The following CACNA2D1 variants were observed in gnomAD, a reference collection of about 807,000 sequenced individuals.
CACNA2D1 encodes calcium voltage-gated channel auxiliary subunit alpha2delta 1.
A neutral mutation model predicts 171.5 loss-of-function variants in CACNA2D1; 53 were observed. That is an observed-to-expected ratio of 0.31 (90% CI 0.25 to 0.39). CACNA2D1 has a LOEUF of 0.39. CACNA2D1 is among the 10% of genes least tolerant of loss of function. The probability of loss-of-function intolerance (pLI) is 1.00; values close to 1 mark genes in which losing one functional copy is unlikely to be tolerated. For missense variants in CACNA2D1, 903 were observed against 1,299.8 expected (o/e 0.69, Z 4.69); for synonymous variants, 442 against 443.1 (o/e 1.00, Z 0.03).
chr7:82,324,953 G>A (rs1157994348), intron 3 of CACNA2D1, among the ~76,000 whole-genome samples: 2 of 152,158 alleles, frequency 1.3e-5, no homozygotes, highest in Non-Finnish European at 2.9e-5. Flanking sequence ...AGGGCTACAA[G>A]CATCACTTCC....
intron 4 of CACNA2D1, among the ~76,000 whole-genome samples, chr7:82,145,666 A>C (rs1326467002): frequency 7.0e-6 from 1 of 143,622 alleles, no homozygotes; most frequent in African/African-American, 2.6e-5. Context: ...ATATATATGC[A>C]CATACATACA....
At chr7:82,264,293 T>TA (rs1413712049) in intron 3 of CACNA2D1, among the ~76,000 whole-genome samples, 1 of 152,212 alleles carries the variant, frequency 6.6e-6, no homozygotes, top group Non-Finnish European at 1.5e-5. Context: ...TCCTATTCAA[T>TA]ATTAATGAAT....
chr7:82,279,201 T>C (rs1809753804), intron 3 of CACNA2D1, among the ~76,000 whole-genome samples: 1 of 152,194 alleles, frequency 6.6e-6, no homozygotes, highest in African/African-American at 2.4e-5. Flanking sequence ...AGAGGGGCAA[T>C]AAACTGAAAT....
chr7:82,366,081 C>A (rs1442007446), intron 1 of CACNA2D1, among the ~76,000 whole-genome samples: 1 of 152,188 alleles, frequency 6.6e-6, no homozygotes, highest in African/African-American at 2.4e-5. Flanking sequence ...CCTCCTAGAC[C>A]ACTCGTTGCT....
At chr7:82,259,129 A>C (rs753309297) in intron 3 of CACNA2D1, among the ~76,000 whole-genome samples, 5 of 152,160 alleles carry the variant, frequency 3.3e-5, no homozygotes, top group Non-Finnish European at 2.9e-5. Context: ...ACGTGGACAG[A>C]AAGTTGTAAT....
chr7:82,026,466 G>C (rs1801930164), intron 12 of CACNA2D1, among the ~76,000 whole-genome samples: 1 of 151,486 alleles, frequency 6.6e-6, no homozygotes, highest in Non-Finnish European at 1.5e-5. Flanking sequence ...AGAGTACTGA[G>C]CATTTATATT....
intron 1 of CACNA2D1, among the ~76,000 whole-genome samples, chr7:82,404,512 G>C (rs564455962): frequency 1.3e-5 from 2 of 152,304 alleles, no homozygotes; most frequent in East Asian, 3.9e-4. Context: ...GTTTTCTTCT[G>C]AGATGGTTAA....
At chr7:82,191,745 A>T (rs2367912) in intron 3 of CACNA2D1, among the ~76,000 whole-genome samples, 2 of 151,576 alleles carry the variant, frequency 1.3e-5, no homozygotes, top group African/African-American at 4.8e-5. Context: ...ATCAACTGCA[A>T]GTATAAACAG....
intron 3 of CACNA2D1, among the ~76,000 whole-genome samples, chr7:82,184,485 C>A (rs142180336): frequency 1.4e-3 from 214 of 151,742 alleles, no homozygotes; most frequent in African/African-American, 5.0e-3. Flanking sequence ...TTGAGTAATA[C>A]TATTATTATT....
chr7:82,007,080 T>A (rs1002661788), intron 16 of CACNA2D1, among the ~76,000 whole-genome samples: 1 of 152,032 alleles, frequency 6.6e-6, no homozygotes, highest in Non-Finnish European at 1.5e-5. Flanking sequence ...AAGTACAAGA[T>A]AAATAATTTT....
intron 6 of CACNA2D1, among the ~76,000 whole-genome samples, chr7:82,107,250 G>A (rs1212819697): frequency 2.0e-5 from 3 of 152,128 alleles, no homozygotes; most frequent in Non-Finnish European, 2.9e-5. Flanking sequence ...GGCCATGGAA[G>A]GAATGGACAG....
intron 1 of CACNA2D1, among the ~76,000 whole-genome samples, chr7:82,439,956 C>T (rs1830370489): frequency 1.3e-5 from 2 of 151,698 alleles, no homozygotes; most frequent in Non-Finnish European, 3.0e-5. Flanking sequence ...AATTATGTCA[C>T]TTATAATGCA....
At position 82,423,204 on chromosome 7, in the gene CACNA2D1, G is replaced by GAT. The variant is rs982152736; in HGVS notation, c.95+20159_95+20160dup. ...CCATAGGCCAAATATATTTTAAACA[G>GAT]ATATATATATATACATATATATACA... On this transcript the variant is annotated intron_variant, in intron 1 of 38. Coordinates refer to ENST00000356860, the MANE Select transcript of CACNA2D1 (RefSeq NM_000722.4). 6.8e-4 allele frequency among the ~76,000 whole-genome samples: 103 copies of GAT among 151,426 alleles called. No individual in the cohort carries two copies. The Middle Eastern group carries it at 0.014, about 20-fold the overall frequency.
At chr7:82,002,032 A>AAAG (rs1265343066) in intron 18 of CACNA2D1, among the ~76,000 whole-genome samples, 3 of 150,182 alleles carry the variant, frequency 2.0e-5, no homozygotes, top group Non-Finnish European at 3.0e-5. Context: ...AAAAAAAAAA[A>AAAG]AAAAAAAAAA....
rs566105890 is a variant in CACNA2D1, at chr7:82,274,698, G to A, written c.294+60437C>T. 1.7e-3 allele frequency among the ~76,000 whole-genome samples: 265 copies of A among 152,100 alleles called. 3 individuals are homozygous for A. The highest frequency in any genetic ancestry group is 6.3e-3 in the African/African-American group (261 of 41,498). On this transcript the variant is annotated intron_variant, in intron 3 of 38. Transcript: ENST00000356860. ...ATATCTATATTGAATAATGTACAGG[G>A]GCTCATATGAATACAATACACTTCC...
At chr7:82,362,639 C>T (rs745542943) in intron 1 of CACNA2D1, among the ~76,000 whole-genome samples, 12 of 152,182 alleles carry the variant, frequency 7.9e-5, no homozygotes, top group Non-Finnish European at 1.8e-4. Context: ...TTTCCCAAAG[C>T]TCTGGTTTAT....
At chr7:82,421,253 G>A (rs1275640626) in intron 1 of CACNA2D1, among the ~76,000 whole-genome samples, 1 of 152,138 alleles carries the variant, frequency 6.6e-6, no homozygotes, top group African/African-American at 2.4e-5. Flanking sequence ...CCAAGACATT[G>A]GTAAGCAAAC....
At chr7:82,211,367 C>T (rs2129225584) in intron 3 of CACNA2D1, among the ~76,000 whole-genome samples, 1 of 152,212 alleles carries the variant, frequency 6.6e-6, no homozygotes, top group South Asian at 2.1e-4. Context: ...CCCCACCCTC[C>T]ACCCTTAAGT....
chr7:82,339,090 T>C (rs568253071), intron 2 of CACNA2D1, among the ~76,000 whole-genome samples: 1 of 152,236 alleles, frequency 6.6e-6, no homozygotes, highest in African/African-American at 2.4e-5. Flanking sequence ...AGTTTCTCCC[T>C]GCGCCCAGGC....
Sources: allele counts gnomAD v4.1 joint callset (sites outside exome capture counted in the v4.1 genomes callset), GRCh38; gene constraint gnomAD v4.1.1; transcripts MANE v1.5; gene names NCBI Gene and HGNC (gene_info 2026-07-23, HGNC 2026-07-21).